The following DNAH7 variants were observed in gnomAD, a reference collection of about 807,000 sequenced individuals.
DNAH7 encodes dynein axonemal heavy chain 7.
DNAH7 carries 397 observed loss-of-function variants against 444.6 expected under a neutral mutation model. The ratio of observed to expected loss-of-function variants is 0.89; its 90% CI spans 0.82 to 0.97. DNAH7 has a LOEUF of 0.97. Among genes scored for constraint, DNAH7 ranks in the 50% least tolerant of loss-of-function variants. The pLI is 0.00. For missense variants in DNAH7, 4,902 were observed against 4,800.8 expected (o/e 1.02, Z -0.62); for synonymous variants, 1,636 against 1,624.4 (o/e 1.01, Z -0.17).
chr2:195,932,480 C>A (rs1368492743), intron 21 of DNAH7, among the ~76,000 whole-genome samples: 1 of 152,118 alleles, frequency 6.6e-6, no homozygotes, highest in Non-Finnish European at 1.5e-5. Flanking sequence ...GAGACGGCAT[C>A]CCTGTCTTGT....
chr2:196,068,587 C>T, intron 1 of DNAH7, 110 bp downstream of exon 1: 5 of 1,428,448 alleles, frequency 3.5e-6, no homozygotes, highest in Non-Finnish European at 3.8e-6. Context: ...AGCTGTACAC[C>T]GCGGAGTCAC....
At chr2:196,029,770 G>C (rs1357894467) in intron 5 of DNAH7, among the ~76,000 whole-genome samples, 2 of 152,090 alleles carry the variant, frequency 1.3e-5, no homozygotes, top group Non-Finnish European at 2.9e-5. Flanking sequence ...ATTCCGTTCA[G>C]AAATAAAACG....
intron 47 of DNAH7, among the ~76,000 whole-genome samples, chr2:195,843,233 C>T (rs922159610): frequency 7.9e-5 from 12 of 152,146 alleles, no homozygotes; most frequent in African/African-American, 2.4e-4. Flanking sequence ...AATTCAACAA[C>T]GAGCTGCCCT....
intron 19 of DNAH7, among the ~76,000 whole-genome samples, chr2:195,956,139 G>A (rs867120697): frequency 1.4e-4 from 22 of 151,760 alleles, no homozygotes; most frequent in South Asian, 2.1e-4. Context: ...TCAATATTTC[G>A]GATTATAGTA....
At chr2:195,931,135 C>A (rs912036935) in intron 21 of DNAH7, among the ~76,000 whole-genome samples, 2 of 152,056 alleles carry the variant, frequency 1.3e-5, no homozygotes, top group African/African-American at 4.8e-5. Context: ...CAGAATCACA[C>A]GATATATCTA....
intron 10 of DNAH7, among the ~76,000 whole-genome samples, chr2:196,010,486 T>A (rs945745345): frequency 6.6e-6 from 1 of 152,100 alleles, no homozygotes; most frequent in Non-Finnish European, 1.5e-5. Context: ...AACACAAATT[T>A]GTACAACCAC....
At position 195,939,311 on chromosome 2, in the gene DNAH7, T is replaced by C. The variant is rs573778670; in HGVS notation, c.3079-2519A>G. 1.4e-3 allele frequency among the ~76,000 whole-genome samples: 214 copies of C among 152,236 alleles called. 1 individual carries two copies. Among genetic ancestry groups the C allele is most frequent in the African/African-American group, 5.1e-3 (211 of 41,554 alleles). On this transcript the variant is annotated intron_variant, in intron 19 of 64. Coordinates refer to ENST00000312428, the MANE Select transcript of DNAH7 (RefSeq NM_018897.3). ...AAAATGAACATTTTATAATCTTCCA[T>C]CCTTCAAGAAAGGTATTTATCATAG...
chr2:195,787,062 G>A lies in DNAH7; in HGVS notation c.10826C>T (p.Thr3609Ile). 1 of 1,611,432 alleles carries A rather than the reference G, an allele frequency of 6.2e-7. No homozygotes were observed. The highest frequency in any genetic ancestry group is 8.5e-7 in the Non-Finnish European group (1 of 1,179,316). Residue 3609 changes from threonine to isoleucine, a missense_variant, in exon 58 of 65, where the codon ACA (threonine) becomes ATA (isoleucine). Thr to Ile is a moderately conservative substitution (Grantham distance 89). Coordinates refer to ENST00000312428, the MANE Select transcript of DNAH7 (RefSeq NM_018897.3). ...GWNIPYEFNETDLRISVQQLH... is the reference protein window; with the variant it reads ...GWNIPYEFNEIDLRISVQQLH... ...CTGCTGTACGCTGATTCTCAGATCT[G>A]TCTCATTGAACTCATAAGGAATATT...
chr2:195,874,454 C>T (rs1182309078), intron 38 of DNAH7, among the ~76,000 whole-genome samples: 7 of 152,016 alleles, frequency 4.6e-5, no homozygotes, highest in African/African-American at 1.7e-4. Context: ...GAAAAGATAC[C>T]TCATGGTTTC....
intron 47 of DNAH7, among the ~76,000 whole-genome samples, chr2:195,836,243 A>G (rs942375959): frequency 3.9e-5 from 6 of 152,150 alleles, no homozygotes; most frequent in Admixed American, 2.0e-4. Flanking sequence ...CAGGGCCAGC[A>G]TGGTGGCTTA....
At chr2:196,068,638 C>G in intron 1 of DNAH7, 59 bp downstream of exon 1, 1 of 1,548,406 alleles carries the variant, frequency 6.5e-7, no homozygotes, top group Non-Finnish European at 8.7e-7. Flanking sequence ...TCCACCACTT[C>G]CGAAACGCCT....
chr2:195,781,070 C>A (rs1695350859), intron 58 of DNAH7, among the ~76,000 whole-genome samples: 1 of 108,108 alleles, frequency 9.3e-6, no homozygotes, highest in South Asian at 2.9e-4. Flanking sequence ...AGTGACAAAG[C>A]CCTTGTGAAA....
At chr2:195,819,741 T>C (rs576007022) in intron 49 of DNAH7, among the ~76,000 whole-genome samples, 47 of 152,270 alleles carry the variant, frequency 3.1e-4, no homozygotes, top group African/African-American at 1.1e-3. Flanking sequence ...AAAGGACACC[T>C]GAGCTAAAAC....
chr2:195,888,690 TAAAAG>T, intron 32 of DNAH7, 104 bp downstream of exon 32: 1 of 1,195,924 alleles, frequency 8.4e-7, no homozygotes, highest in Non-Finnish European at 1.2e-6. Flanking sequence ...AGATCGCTCT[TAAAAG>T]AAATTCTGCT....
chr2:195,976,756 AGAGAGAGAGAG>A (rs1692225454), intron 15 of DNAH7, among the ~76,000 whole-genome samples: 10 of 136,224 alleles, frequency 7.3e-5, no homozygotes, highest in African/African-American at 2.6e-4. Context: ...ACAGAGAGAG[AGAGAGAGAGAG>A]AGAGAGAGAG....
At chr2:195,820,530 C>T (rs953778698) in intron 49 of DNAH7, among the ~76,000 whole-genome samples, 5 of 151,720 alleles carry the variant, frequency 3.3e-5, no homozygotes, top group Admixed American at 3.3e-4. Flanking sequence ...CAGCAACTAC[C>T]ACAAATCATC....
intron 58 of DNAH7, among the ~76,000 whole-genome samples, chr2:195,778,579 A>G (rs529257405): frequency 6.6e-4 from 93 of 140,358 alleles, no homozygotes; most frequent in African/African-American, 2.1e-3. Flanking sequence ...TAATTGTGCC[A>G]CTACTCTCCA....
intron 40 of DNAH7, among the ~76,000 whole-genome samples, chr2:195,865,596 G>A (rs755984017): frequency 7.9e-5 from 12 of 152,012 alleles, no homozygotes; most frequent in Non-Finnish European, 1.8e-4. Flanking sequence ...ATAAATCTCC[G>A]GTTATATGCA....
At chr2:195,769,468 G>C (rs1299617639) in intron 61 of DNAH7, among the ~76,000 whole-genome samples, 1 of 151,898 alleles carries the variant, frequency 6.6e-6, no homozygotes, top group African/African-American at 2.4e-5. Context: ...CATAAATCCT[G>C]CCCTTAGGTC....
Sources: allele counts gnomAD v4.1 joint callset (sites outside exome capture counted in the v4.1 genomes callset), GRCh38; gene constraint gnomAD v4.1.1; transcripts MANE v1.5; gene names NCBI Gene and HGNC (gene_info 2026-07-23, HGNC 2026-07-21).